The following CDKAL1 variants were observed in gnomAD, a reference collection of about 807,000 sequenced individuals.
The protein encoded by CDKAL1 is threonylcarbamoyladenosine tRNA methylthiotransferase.
CDKAL1 carries 32 observed loss-of-function variants against 68.2 expected under a neutral mutation model. The ratio of observed to expected loss-of-function variants is 0.47; its 90% confidence interval spans 0.35 to 0.63. CDKAL1 has a LOEUF of 0.63. Ranked by LOEUF, CDKAL1 falls within the 30% of genes least tolerant of loss-of-function variation. The probability of loss-of-function intolerance (pLI) is 0.00; values close to 1 mark genes in which losing one functional copy is unlikely to be tolerated. For synonymous variants in CDKAL1, 234 were observed against 244.3 expected (o/e 0.96, Z 0.39); for missense variants, 606 against 696.7 (o/e 0.87, Z 1.47).
chr6:20,909,296 G>C (rs1277562129), intron 9 of CDKAL1, among the ~76,000 whole-genome samples: 1 of 151,940 alleles, frequency 6.6e-6, no homozygotes, highest in Admixed American at 6.6e-5. Flanking sequence ...TAAACATCTA[G>C]TACAAGAAGA....
At chr6:21,199,623 G>T (rs1329790927) in intron 14 of CDKAL1, among the ~76,000 whole-genome samples, 1 of 152,122 alleles carries the variant, frequency 6.6e-6, no homozygotes, top group Non-Finnish European at 1.5e-5. Flanking sequence ...AAGCAGTCGG[G>T]CTTTTTCCAA....
At chr6:20,914,451 A>G (rs922640880) in intron 9 of CDKAL1, among the ~76,000 whole-genome samples, 1 of 151,934 alleles carries the variant, frequency 6.6e-6, no homozygotes, top group African/African-American at 2.4e-5. Flanking sequence ...AGAATTTATC[A>G]TGATCTGACT....
chr6:20,914,315 TTTA>T (rs1762621663), intron 9 of CDKAL1, among the ~76,000 whole-genome samples: 1 of 151,938 alleles, frequency 6.6e-6, no homozygotes, highest in Non-Finnish European at 1.5e-5. Flanking sequence ...ATAACCAAAG[TTTA>T]TGTTATACCC....
chr6:20,937,616 T>G (rs527469979), intron 9 of CDKAL1, among the ~76,000 whole-genome samples: 1 of 152,330 alleles, frequency 6.6e-6, no homozygotes, highest in Admixed American at 6.5e-5. Flanking sequence ...TCTTTGTCTT[T>G]TATAACCGTA....
chr6:20,949,723 T>C (rs952850024), intron 9 of CDKAL1, among the ~76,000 whole-genome samples: 3 of 152,064 alleles, frequency 2.0e-5, no homozygotes, highest in Non-Finnish European at 4.4e-5. Context: ...TTAACAGAAT[T>C]ATGTACAAGA....
At chr6:21,149,716 AAAG>A (rs1776322215) in intron 13 of CDKAL1, among the ~76,000 whole-genome samples, 1 of 152,234 alleles carries the variant, frequency 6.6e-6, no homozygotes, top group Non-Finnish European at 1.5e-5. Context: ...GAGAGACAGT[AAAG>A]AAGCCACACA....
intron 5 of CDKAL1, among the ~76,000 whole-genome samples, chr6:20,717,508 G>C (rs1352490119): frequency 1.3e-5 from 2 of 151,960 alleles, no homozygotes; most frequent in Non-Finnish European, 2.9e-5. Context: ...CAGGTAGTTT[G>C]ATAGATATGA....
intron 11 of CDKAL1, among the ~76,000 whole-genome samples, chr6:21,014,569 C>A (rs2150846996): frequency 6.6e-6 from 1 of 151,602 alleles, no homozygotes; most frequent in East Asian, 1.9e-4. Flanking sequence ...CAAGATCACG[C>A]CACTGCACTC....
chr6:20,895,913 T>C (rs1298015976), intron 9 of CDKAL1, among the ~76,000 whole-genome samples: 5 of 152,040 alleles, frequency 3.3e-5, no homozygotes, highest in Admixed American at 1.3e-4. Context: ...ATCTTATTTC[T>C]CTCTCTCCAC....
At chr6:21,226,663 T>A (rs770808909) in intron 15 of CDKAL1, among the ~76,000 whole-genome samples, 1 of 152,238 alleles carries the variant, frequency 6.6e-6, no homozygotes, top group Non-Finnish European at 1.5e-5. Context: ...TCTTAAAAAT[T>A]GTCTGAGTTG....
intron 9 of CDKAL1, among the ~76,000 whole-genome samples, chr6:20,923,214 C>T (rs555973240): frequency 1.3e-5 from 2 of 152,270 alleles, no homozygotes; most frequent in East Asian, 3.9e-4. Context: ...AGCCACCATG[C>T]CCAGCCTACA....
At chr6:20,988,936 G>A (rs982135994) in intron 10 of CDKAL1, among the ~76,000 whole-genome samples, 2 of 151,494 alleles carry the variant, frequency 1.3e-5, no homozygotes, top group East Asian at 1.9e-4. Context: ...GGGATTACAG[G>A]TACGAGCCAC....
intron 4 of CDKAL1, among the ~76,000 whole-genome samples, chr6:20,598,099 T>G (rs1364864723): frequency 1.3e-5 from 2 of 152,202 alleles, no homozygotes; most frequent in Non-Finnish European, 2.9e-5. Context: ...GCGGACATGA[T>G]AGTGCTGTAA....
At chr6:20,775,973 G>C (rs913122542) in intron 7 of CDKAL1, among the ~76,000 whole-genome samples, 3 of 150,986 alleles carry the variant, frequency 2.0e-5, no homozygotes, top group African/African-American at 7.3e-5. Context: ...TTCCTACTTT[G>C]TCTTTAGTGT....
intron 13 of CDKAL1, among the ~76,000 whole-genome samples, chr6:21,127,649 C>T (rs1202129051): frequency 6.6e-6 from 1 of 152,010 alleles, no homozygotes; most frequent in African/African-American, 2.4e-5. Context: ...ACTTGAGAGG[C>T]TGAGACAGGA....
intron 9 of CDKAL1, among the ~76,000 whole-genome samples, chr6:20,856,693 C>T (rs902538931): frequency 6.6e-6 from 1 of 152,116 alleles, no homozygotes; most frequent in African/African-American, 2.4e-5. Context: ...CAAATGTTTG[C>T]GTTTACCATT....
At chr6:20,753,360 CAAT>C (rs1774013984) in intron 6 of CDKAL1, among the ~76,000 whole-genome samples, 3 of 152,216 alleles carry the variant, frequency 2.0e-5, no homozygotes, top group Admixed American at 2.0e-4. Flanking sequence ...AAACTTTAAT[CAAT>C]GATGTATATA....
chr6:20,663,348 A>G (rs1212149616), intron 5 of CDKAL1, among the ~76,000 whole-genome samples: 1 of 152,072 alleles, frequency 6.6e-6, no homozygotes, highest in Non-Finnish European at 1.5e-5. Flanking sequence ...GCTATAGGGT[A>G]TAAACTTTGG....
intron 11 of CDKAL1, among the ~76,000 whole-genome samples, chr6:21,052,037 A>G (rs1770568587): frequency 6.6e-6 from 1 of 152,192 alleles, no homozygotes; most frequent in Non-Finnish European, 1.5e-5. Flanking sequence ...GTCACTCATT[A>G]TGGCTTTTCA....
Sources: allele counts gnomAD v4.1 joint callset (sites outside exome capture counted in the v4.1 genomes callset), GRCh38; gene constraint gnomAD v4.1.1; transcripts MANE v1.5; gene names NCBI Gene and HGNC (gene_info 2026-07-23, HGNC 2026-07-21).